Variants in DAPP1 observed in about 807,000 individuals in gnomAD.
The protein encoded by DAPP1 is dual adaptor of phosphotyrosine and 3-phosphoinositides 1, also known as dual adapter for phosphotyrosine and 3-phosphotyrosine and 3-phosphoinositide.
A neutral mutation model predicts 41.5 loss-of-function variants in DAPP1; 20 were observed. The ratio of observed to expected loss-of-function variants is 0.48; its 90% confidence interval spans 0.34 to 0.70. DAPP1 has a LOEUF of 0.70. Ranked by LOEUF, DAPP1 falls within the 30% of genes least tolerant of loss-of-function variation. The pLI, the probability that DAPP1 is intolerant of heterozygous loss-of-function variation, is 0.01. For missense variants in DAPP1, 233 were observed against 333.4 expected, an observed-to-expected ratio of 0.70 and a Z score of 2.35; for synonymous variants, 113 against 116.2, an observed-to-expected ratio of 0.97 and a Z score of 0.18.
chr4:99,868,170 G>A lies in DAPP1; in HGVS notation c.828G>A (p.Ser276=), dbSNP rs372865549. Reference sequence around the variant, plus strand: ...GGGAAGGCACGATCCGATCTCGGTCGTTCATCTTTAAATAGATCTTTCTTG... The same window carrying A: ...GGGAAGGCACGATCCGATCTCGGTCATTCATCTTTAAATAGATCTTTCTTG... ...NQGEGTIRSR[S]FIFK The change falls in exon 9 of 9, where the codon TCG becomes TCA. Residue 276 remains serine (S), a synonymous_variant. Transcript: ENST00000512369. The A allele has an allele frequency of 4.2e-5, 67 of 1,613,740 alleles. No individual in the cohort carries two copies. Among genetic ancestry groups the A allele is most frequent in the East Asian group, 2.7e-4 (12 of 44,890 alleles).
At chr4:99,832,995 T>C (rs1003665277) in intron 1 of DAPP1, among the ~76,000 whole-genome samples, 3 of 152,252 alleles carry the variant, frequency 2.0e-5, no homozygotes, top group African/African-American at 7.2e-5. Context: ...TTAAATGTTT[T>C]GGAATTTCAC....
chr4:99,835,152 G>A (rs997478220), intron 1 of DAPP1, among the ~76,000 whole-genome samples: 1 of 152,036 alleles, frequency 6.6e-6, no homozygotes, highest in Non-Finnish European at 1.5e-5. Flanking sequence ...GGGATTATAG[G>A]TGCCTGCCAC....
At chr4:99,866,978 C>T (rs767027806) in intron 8 of DAPP1, among the ~76,000 whole-genome samples, 1 of 151,984 alleles carries the variant, frequency 6.6e-6, no homozygotes, top group Non-Finnish European at 1.5e-5. Context: ...CCATTTTGGC[C>T]AGGGTGGTCT....
chr4:99,828,970 C>A (rs1399544523), intron 1 of DAPP1, among the ~76,000 whole-genome samples: 1 of 152,008 alleles, frequency 6.6e-6, no homozygotes, highest in Non-Finnish European at 1.5e-5. Context: ...TTTTTTGCTT[C>A]TTCAGGGAAA....
intron 1 of DAPP1, among the ~76,000 whole-genome samples, chr4:99,827,568 C>T (rs1342637266): frequency 6.9e-6 from 1 of 145,872 alleles, no homozygotes; most frequent in Admixed American, 6.8e-5. Flanking sequence ...ACAAAAAACA[C>T]CATCACACTT....
intron 4 of DAPP1, among the ~76,000 whole-genome samples, chr4:99,855,524 T>C (rs990559201): frequency 6.6e-6 from 1 of 152,112 alleles, no homozygotes; most frequent in Non-Finnish European, 1.5e-5. Context: ...TAAAATGGAG[T>C]TTTTAAAATA....
At chr4:99,840,505 CATT>C (rs780626673) in intron 3 of DAPP1, 83 bp downstream of exon 3, 226 of 1,401,576 alleles carry the variant, frequency 1.6e-4, no homozygotes, top group Non-Finnish European at 2.0e-4. Flanking sequence ...TTAAGAATGT[CATT>C]GTTGTCATTT....
intron 1 of DAPP1, among the ~76,000 whole-genome samples, chr4:99,835,318 T>C (rs1216915542): frequency 6.6e-6 from 1 of 152,098 alleles, no homozygotes; most frequent in Non-Finnish European, 1.5e-5. Context: ...CATGACCTCA[T>C]TTTAACTTGG....
At chr4:99,828,309 AAAC>A (rs1215236353) in intron 1 of DAPP1, among the ~76,000 whole-genome samples, 2 of 152,208 alleles carry the variant, frequency 1.3e-5, no homozygotes, top group African/African-American at 2.4e-5. Context: ...AATAAAGAGA[AAAC>A]AATATATTCA....
intron 1 of DAPP1, among the ~76,000 whole-genome samples, chr4:99,830,741 T>C (rs1578350002): frequency 1.3e-5 from 2 of 152,292 alleles, no homozygotes; most frequent in Non-Finnish European, 1.5e-5. Context: ...AGACTTTTAA[T>C]AGGAAAAAGC....
Position 99,866,766 on chromosome 4 carries a change from ATTTTTTTTTT to A in DAPP1, c.774+657_774+666del, listed in dbSNP as rs11315402. 1.0e-3 allele frequency: 371 copies of A among 372,460 alleles called. 3 individuals carry two copies. The highest frequency in any genetic ancestry group is 9.4e-3 in the African/African-American group (316 of 33,610). 23.1% of individuals were successfully genotyped at this position (372,460 alleles called of 1,614,324 possible). A position where few individuals can be genotyped will look rare whatever the true frequency, so the allele number is the denominator to read the frequency against. On this transcript the variant is annotated intron_variant, in intron 8 of 8. Coordinates refer to ENST00000512369, the MANE Select transcript of DAPP1 (RefSeq NM_014395.3). ...AAACTTTGATGATTTCTTTTTTTCT[ATTTTTTTTTT>A]TTTTTTTTTTTGAGACAGAGTCTCG...
intron 3 of DAPP1, among the ~76,000 whole-genome samples, chr4:99,848,881 G>A (rs1246828286): frequency 3.3e-5 from 5 of 152,194 alleles, no homozygotes; most frequent in Non-Finnish European, 7.3e-5. Context: ...GCCAGGTCTG[G>A]AGGTATAACA....
intron 4 of DAPP1, among the ~76,000 whole-genome samples, chr4:99,861,005 G>A (rs62305044): frequency 3.9e-5 from 6 of 152,114 alleles, no homozygotes; most frequent in Non-Finnish European, 7.4e-5. Context: ...GGTAAATCAG[G>A]TGTAAATAAA....
intron 1 of DAPP1, among the ~76,000 whole-genome samples, chr4:99,822,012 A>G (rs1245035882): frequency 6.6e-6 from 1 of 152,252 alleles, no homozygotes; most frequent in Non-Finnish European, 1.5e-5. Flanking sequence ...CTACAGCAAT[A>G]CAGCTTGTTC....
intron 3 of DAPP1, 25 bp from the exon 4 acceptor site, chr4:99,853,193 T>TA (rs778388533): frequency 2.5e-6 from 4 of 1,613,298 alleles, no homozygotes; most frequent in Non-Finnish European, 3.4e-6. Flanking sequence ...CACTGTTCGA[T>TA]TATATATTTT....
At chr4:99,831,166 G>A (rs964282337) in intron 1 of DAPP1, among the ~76,000 whole-genome samples, 3 of 152,130 alleles carry the variant, frequency 2.0e-5, no homozygotes, top group East Asian at 1.9e-4. Context: ...ATAGGGGAAC[G>A]TGTTAAAACC....
intron 1 of DAPP1, among the ~76,000 whole-genome samples, chr4:99,829,673 T>G (rs1723055739): frequency 6.6e-6 from 1 of 152,128 alleles, no homozygotes; most frequent in African/African-American, 2.4e-5. Flanking sequence ...AAAACTTCAT[T>G]ACTAATCACA....
intron 3 of DAPP1, chr4:99,844,122 C>T (rs899985337): frequency 6.6e-6 from 1 of 152,152 alleles, no homozygotes; most frequent in Non-Finnish European, 1.5e-5. Context: ...AAAATTTAGG[C>T]TCGCAGACGG....
At chr4:99,849,818 C>T (rs1038776241) in intron 3 of DAPP1, among the ~76,000 whole-genome samples, 31 of 152,100 alleles carry the variant, frequency 2.0e-4, no homozygotes, top group Admixed American at 5.2e-4. Flanking sequence ...ACAGGGTCCT[C>T]ATAAGTAGTA....
Sources: allele counts gnomAD v4.1 joint callset (sites outside exome capture counted in the v4.1 genomes callset), GRCh38; gene constraint gnomAD v4.1.1; transcripts MANE v1.5; gene names NCBI Gene and HGNC (gene_info 2026-07-23, HGNC 2026-07-21).